The following CPNE4 variants were observed in gnomAD, a reference collection of about 807,000 sequenced individuals.
CPNE4 encodes copine 4, also known as copine-4.
Under a neutral mutation model 67.9 loss-of-function variants are expected in CPNE4, and 25 were observed. The ratio of observed to expected loss-of-function variants is 0.37; its 90% CI spans 0.27 to 0.51. The LOEUF is 0.51. Ranked by LOEUF, CPNE4 falls within the 20% of genes least tolerant of loss-of-function variation. The pLI is 0.93. For synonymous variants in CPNE4, 242 were observed against 244.9 expected (o/e 0.99, Z 0.11); for missense variants, 464 against 690.8 (o/e 0.67, Z 3.68).
intron 6 of CPNE4, among the ~76,000 whole-genome samples, chr3:131,672,409 A>G (rs13433763): frequency 0.47 from 71,718 of 151,932 alleles, 18,866 homozygotes; most frequent in African/African-American, 0.71. Flanking sequence ...CCTCCAAACT[A>G]TTCTCCACAA....
At chr3:132,004,749 G>C (rs1024790929) in intron 1 of CPNE4, among the ~76,000 whole-genome samples, 1 of 152,056 alleles carries the variant, frequency 6.6e-6, no homozygotes, top group Non-Finnish European at 1.5e-5. Flanking sequence ...AGCCAGAGTT[G>C]GACATGAGCC....
At chr3:132,010,981 T>C (rs185618275) in intron 1 of CPNE4, among the ~76,000 whole-genome samples, 13 of 152,206 alleles carry the variant, frequency 8.5e-5, no homozygotes, top group South Asian at 4.1e-4. Context: ...GCACAGACTG[T>C]CTCAAAGGAC....
chr3:131,830,768 C>A (rs1290315032), intron 2 of CPNE4, among the ~76,000 whole-genome samples: 7 of 152,010 alleles, frequency 4.6e-5, no homozygotes, highest in Non-Finnish European at 2.9e-5. Context: ...AAAATCATGT[C>A]TATTTTGTTC....
chr3:131,561,599 T>A (rs1364414131), intron 11 of CPNE4, among the ~76,000 whole-genome samples: 1 of 151,942 alleles, frequency 6.6e-6, no homozygotes, highest in Non-Finnish European at 1.5e-5. Flanking sequence ...CTGGTAGCAA[T>A]GACTGTACAA....
intron 11 of CPNE4, among the ~76,000 whole-genome samples, chr3:131,562,780 T>C (rs140707764): frequency 2.6e-5 from 4 of 152,008 alleles, no homozygotes; most frequent in Non-Finnish European, 5.9e-5. Context: ...ACTGCCTGCA[T>C]TGGGGCTTGA....
chr3:131,878,462 A>G (rs1395534383), intron 2 of CPNE4, among the ~76,000 whole-genome samples: 1 of 152,228 alleles, frequency 6.6e-6, no homozygotes, highest in Non-Finnish European at 1.5e-5. Flanking sequence ...TACTCCTGGC[A>G]CAGAATGAGG....
At chr3:131,886,990 C>T (rs10804602) in intron 2 of CPNE4, among the ~76,000 whole-genome samples, 43,851 of 152,078 alleles carry the variant, frequency 0.29, 7,399 homozygotes, top group Non-Finnish European at 0.37. Context: ...GGGGGACTGT[C>T]GGGAAGGCAG....
chr3:131,689,869 CA>C (rs2080991512), intron 5 of CPNE4, among the ~76,000 whole-genome samples: 1 of 152,154 alleles, frequency 6.6e-6, no homozygotes, highest in Non-Finnish European at 1.5e-5. Flanking sequence ...TTTCCGAATA[CA>C]AAGTCAATGT....
intron 2 of CPNE4, among the ~76,000 whole-genome samples, chr3:131,742,514 C>T (rs906412265): frequency 3.3e-5 from 5 of 152,190 alleles, no homozygotes; most frequent in Non-Finnish European, 5.9e-5. Context: ...CATATACATA[C>T]ATATATATGT....
intron 7 of CPNE4, among the ~76,000 whole-genome samples, chr3:131,664,877 G>A (rs1407789184): frequency 6.6e-6 from 1 of 152,152 alleles, no homozygotes; most frequent in Non-Finnish European, 1.5e-5. Context: ...GAAAGTAGTA[G>A]TGTAATGCCT....
At chr3:131,951,402 GT>G (rs1344668881) in intron 1 of CPNE4, among the ~76,000 whole-genome samples, 1 of 152,108 alleles carries the variant, frequency 6.6e-6, no homozygotes, top group Non-Finnish European at 1.5e-5. Context: ...TTCTGTTGGG[GT>G]TTTTTCTCAT....
intron 1 of CPNE4, among the ~76,000 whole-genome samples, chr3:131,938,529 T>C (rs991176739): frequency 1.3e-5 from 2 of 152,070 alleles, no homozygotes; most frequent in African/African-American, 4.8e-5. Context: ...AAAAGAGGTT[T>C]AATTGACTCA....
chr3:131,706,470 T>G (rs577245920), intron 3 of CPNE4, among the ~76,000 whole-genome samples: 12 of 152,316 alleles, frequency 7.9e-5, no homozygotes, highest in African/African-American at 2.9e-4. Flanking sequence ...AATTGAGGTA[T>G]ACAGAATCGT....
At chr3:131,622,760 G>A (rs1232515627) in intron 7 of CPNE4, among the ~76,000 whole-genome samples, 2 of 152,140 alleles carry the variant, frequency 1.3e-5, no homozygotes, top group Non-Finnish European at 2.9e-5. Flanking sequence ...ACTTACAGCA[G>A]GTCAAAAATG....
Position 131,533,807 on chromosome 3 carries a change from C to G in CPNE4, c.*1388G>C, listed in dbSNP as rs541989488. The G allele has an allele frequency of 6.6e-6, 1 of 152,320 alleles. No individual in the cohort carries two copies. The highest frequency in any genetic ancestry group is 2.1e-4 in the South Asian group (1 of 4,828). The allele number at this position is 152,320 out of a possible 1,614,324, so 9.4% of individuals were successfully genotyped here. ...CCTTGTGATTTACTTCTTCATCTCTCTGACCAAAAATAAACTCCACTTTGT... is the reference window on the plus strand; with the variant it reads ...CCTTGTGATTTACTTCTTCATCTCTGTGACCAAAAATAAACTCCACTTTGT... On this transcript the variant is annotated 3_prime_UTR_variant, in exon 16 of 16. Coordinates refer to ENST00000429747, the MANE Select transcript of CPNE4 (RefSeq NM_130808.3).
At chr3:131,717,511 T>C (rs1468370135) in intron 3 of CPNE4, among the ~76,000 whole-genome samples, 2 of 152,222 alleles carry the variant, frequency 1.3e-5, no homozygotes, top group Admixed American at 6.5e-5. Flanking sequence ...GTCACCCTCC[T>C]CTGAATTCTC....
intron 7 of CPNE4, among the ~76,000 whole-genome samples, chr3:131,618,171 A>C (rs1270372012): frequency 6.6e-6 from 1 of 152,142 alleles, no homozygotes; most frequent in Admixed American, 6.5e-5. Context: ...TGACTACCCA[A>C]GGTGTGGGGG....
intron 2 of CPNE4, among the ~76,000 whole-genome samples, chr3:131,874,168 A>G (rs1387407917): frequency 1.3e-5 from 2 of 151,172 alleles, no homozygotes; most frequent in African/African-American, 4.9e-5. Context: ...GGCTCACTGC[A>G]AGCTCCGCCT....
chr3:131,972,518 C>T (rs547981679), intron 1 of CPNE4, among the ~76,000 whole-genome samples: 9 of 152,222 alleles, frequency 5.9e-5, no homozygotes, highest in African/African-American at 1.7e-4. Flanking sequence ...AGAAAAACAT[C>T]GGGCCCCCAA....
Sources: gnomAD v4.1 joint callset for allele counts (sites outside exome capture counted in the v4.1 genomes callset) on GRCh38, gnomAD v4.1.1 for gene constraint, MANE v1.5 for transcripts, NCBI Gene and HGNC (gene_info 2026-07-23, HGNC 2026-07-21) for gene names.